Variants in FNDC3B observed in about 807,000 individuals in gnomAD.
FNDC3B encodes fibronectin type III domain-containing protein 3B.
A neutral mutation model predicts 151.5 loss-of-function variants in FNDC3B; 12 were observed. The ratio of observed to expected loss-of-function variants is 0.08; its 90% CI spans 0.05 to 0.13. The LOEUF (loss-of-function observed/expected upper bound fraction) is 0.13. Among genes scored for constraint, FNDC3B ranks in the 10% least tolerant of loss-of-function variants. The probability of loss-of-function intolerance (pLI) is 1.00; values close to 1 mark genes in which losing one functional copy is unlikely to be tolerated. For synonymous variants in FNDC3B, 528 were observed against 549.0 expected (o/e 0.96, Z 0.54); for missense variants, 1,214 against 1,505.3 (o/e 0.81, Z 3.20).
intron 1 of FNDC3B, among the ~76,000 whole-genome samples, chr3:172,082,763 AACTT>A (rs1718347765): frequency 6.6e-6 from 1 of 152,164 alleles, no homozygotes. Flanking sequence ...CTTTGCCTAA[AACTT>A]ACTCTTCTTT....
chr3:172,237,067 G>A (rs933224394), intron 4 of FNDC3B, among the ~76,000 whole-genome samples: 2 of 152,212 alleles, frequency 1.3e-5, no homozygotes, highest in African/African-American at 4.8e-5. Context: ...GTGTATAAAA[G>A]TGTTGGCATG....
In FNDC3B at chr3:172,376,736, G is replaced by T. The variant is rs536773995; in HGVS notation, c.3009-1534G>T. Reference sequence around the variant, plus strand: ...AAAAGGCACTTCCTTACACAGCAAAGCAGACAGAACACTAAATAGGTGAAA... The same window carrying T: ...AAAAGGCACTTCCTTACACAGCAAATCAGACAGAACACTAAATAGGTGAAA... On this transcript the variant is annotated intron_variant, in intron 23 of 25. Coordinates refer to ENST00000415807, the MANE Select transcript of FNDC3B (RefSeq NM_022763.4). 2.0e-5 allele frequency among the ~76,000 whole-genome samples: 3 copies of T among 151,824 alleles called. No homozygotes were observed. The South Asian group carries it at 6.2e-4, about 31-fold the overall frequency.
intron 1 of FNDC3B, among the ~76,000 whole-genome samples, chr3:172,086,323 G>A (rs1718544918): frequency 6.6e-6 from 1 of 151,088 alleles, no homozygotes. Context: ...TCCTGCCACT[G>A]CACTTCAGCC....
chr3:172,312,337 A>T (rs1731546741), intron 11 of FNDC3B, among the ~76,000 whole-genome samples: 1 of 152,194 alleles, frequency 6.6e-6, no homozygotes, highest in African/African-American at 2.4e-5. Flanking sequence ...TAACCCGTAC[A>T]TTCTACAGAT....
intron 6 of FNDC3B, among the ~76,000 whole-genome samples, chr3:172,252,758 T>A (rs1728150753): frequency 6.6e-6 from 1 of 152,138 alleles, no homozygotes; most frequent in Non-Finnish European, 1.5e-5. Context: ...CATGTGTTCT[T>A]TTAATTTGAA....
intron 3 of FNDC3B, among the ~76,000 whole-genome samples, chr3:172,137,153 TGGG>T (rs1559983335): frequency 6.6e-6 from 1 of 152,178 alleles, no homozygotes; most frequent in Non-Finnish European, 1.5e-5. Flanking sequence ...GACTGCTTTG[TGGG>T]GATTTCAGGT....
intron 3 of FNDC3B, among the ~76,000 whole-genome samples, chr3:172,225,258 C>T (rs903851056): frequency 3.3e-5 from 5 of 152,160 alleles, no homozygotes; most frequent in Admixed American, 1.3e-4. Flanking sequence ...ACTGCAGCCT[C>T]GACCTCCTGG....
At chr3:172,199,502 C>G (rs1474217991) in intron 3 of FNDC3B, among the ~76,000 whole-genome samples, 1 of 152,168 alleles carries the variant, frequency 6.6e-6, no homozygotes, top group South Asian at 2.1e-4. Context: ...TTTGAAAACA[C>G]TATTGAACTT....
At position 172,239,886 on chromosome 3, in the gene FNDC3B, T is replaced by G. The variant is rs1415458132; in HGVS notation, c.265-7647T>G. On this transcript the variant is annotated intron_variant, in intron 4 of 25. Coordinates refer to ENST00000415807, the MANE Select transcript of FNDC3B (RefSeq NM_022763.4). Reference sequence around the variant, plus strand: ...TTTTTTTTTTTTTTTTTTTTTTTTTTGGGATGGAGTCTTACTCTGTCACCC... The same window carrying G: ...TTTTTTTTTTTTTTTTTTTTTTTTTGGGGATGGAGTCTTACTCTGTCACCC... Among the ~76,000 whole-genome samples, 313 of 108,334 alleles carry G rather than the reference T, an allele frequency of 2.9e-3. 4 individuals are homozygous for G. The highest frequency in any genetic ancestry group is 0.011 in the African/African-American group (288 of 25,654). 71.1% of individuals were successfully genotyped at this position (108,334 alleles called of 152,430 possible).
chr3:172,143,468 G>A (rs975248888), intron 3 of FNDC3B, among the ~76,000 whole-genome samples: 3 of 151,890 alleles, frequency 2.0e-5, no homozygotes, highest in African/African-American at 7.3e-5. Flanking sequence ...CCCAAACTTT[G>A]TATTTATTTT....
chr3:172,089,544 A>T (rs1347796867), intron 1 of FNDC3B, among the ~76,000 whole-genome samples: 3 of 152,186 alleles, frequency 2.0e-5, no homozygotes, highest in African/African-American at 4.8e-5. Context: ...TGTAGGGTGT[A>T]TTAAGCCCTC....
At chr3:172,387,228 T>C (rs1425181948) in intron 25 of FNDC3B, among the ~76,000 whole-genome samples, 1 of 152,136 alleles carries the variant, frequency 6.6e-6, no homozygotes, top group Non-Finnish European at 1.5e-5. Flanking sequence ...AAATGCTGGA[T>C]TACAGGCATG....
chr3:172,116,309 A>G (rs544134657), intron 2 of FNDC3B, among the ~76,000 whole-genome samples: 2 of 152,346 alleles, frequency 1.3e-5, no homozygotes, highest in South Asian at 4.1e-4. Flanking sequence ...CTGAAAGTAT[A>G]CAATCATTGG....
intron 25 of FNDC3B, among the ~76,000 whole-genome samples, chr3:172,394,874 A>G (rs577290859): frequency 6.6e-6 from 1 of 152,168 alleles, no homozygotes; most frequent in Admixed American, 6.5e-5. Context: ...TCAACAACAC[A>G]TTAAAGGATC....
intron 23 of FNDC3B, among the ~76,000 whole-genome samples, chr3:172,372,502 G>A (rs749355851): frequency 5.3e-5 from 8 of 152,304 alleles, no homozygotes; most frequent in Non-Finnish European, 1.0e-4. Flanking sequence ...GTCAGCAAGC[G>A]TGCTCATGTC....
rs1302843217 is a variant in FNDC3B at position 172,082,632 on chromosome 3, C to T, written c.-28-29820C>T. 5.3e-5 allele frequency among the ~76,000 whole-genome samples: 8 copies of T among 152,172 alleles called. No individual in the cohort carries two copies. In the East Asian group the frequency reaches 9.6e-4, roughly 18 times the overall value. On this transcript the variant is annotated intron_variant, in intron 1 of 25. Transcript: ENST00000415807. ...ATGTTCCACCCATGTATAGGCTGAA[C>T]GTGGAATCACTGGAATTGTAACTGG... is the stretch of plus-strand genomic sequence containing the variant.
intron 3 of FNDC3B, among the ~76,000 whole-genome samples, chr3:172,157,649 A>G (rs955906898): frequency 5.9e-5 from 9 of 152,210 alleles, no homozygotes; most frequent in African/African-American, 1.2e-4. Context: ...CTCACAGGAT[A>G]TAAGTTTTTG....
rs563229129 is a variant in FNDC3B at position 172,226,034 on chromosome 3, A to G, written c.188-837A>G. Among the ~76,000 whole-genome samples the G allele has an allele frequency of 2.6e-5, 4 of 152,264 alleles. No homozygotes were observed. The South Asian group carries it at 6.2e-4, about 24-fold the overall frequency. On this transcript the variant is annotated intron_variant, in intron 3 of 25. Transcript: ENST00000415807. ...TTTTAAAATATGATCTAGACCTGGCACGGTGGCTCACAGCTGTAATCCCAG... is the reference window on the plus strand; with the variant it reads ...TTTTAAAATATGATCTAGACCTGGCGCGGTGGCTCACAGCTGTAATCCCAG...
intron 1 of FNDC3B, among the ~76,000 whole-genome samples, chr3:172,090,394 G>A (rs1274381345): frequency 2.0e-5 from 3 of 151,674 alleles, no homozygotes; most frequent in Non-Finnish European, 4.4e-5. Context: ...GAGTGGGCAT[G>A]TGAGAGGAAA....
Sources: gnomAD v4.1 joint callset for allele counts (sites outside exome capture counted in the v4.1 genomes callset) on GRCh38, gnomAD v4.1.1 for gene constraint, MANE v1.5 for transcripts, NCBI Gene and HGNC (gene_info 2026-07-23, HGNC 2026-07-21) for gene names.